Variants in HNRNPA3 observed in about 807,000 individuals in gnomAD.
HNRNPA3 encodes the protein heterogeneous nuclear ribonucleoprotein A3, also known as epididymis secretory sperm binding protein.
Under a neutral mutation model 45.8 loss-of-function variants are expected in HNRNPA3, and 3 were observed. That is an observed-to-expected ratio of 0.07 (90% CI 0.03 to 0.17). The LOEUF is 0.17. Among genes scored for constraint, HNRNPA3 ranks in the 10% least tolerant of loss-of-function variants. HNRNPA3 has a pLI of 1.00. For synonymous variants in HNRNPA3, 170 were observed against 155.6 expected (o/e 1.09, Z -0.69); for missense variants, 183 against 480.3 (o/e 0.38, Z 5.79).
Position 177,219,178 on chromosome 2 carries a change from CAATT to C in HNRNPA3, c.1084+20_1084+23del, listed in dbSNP as rs773972535. 1 of 1,611,522 alleles carries C rather than the reference CAATT, an allele frequency of 6.2e-7. No individual in the cohort carries two copies. Among genetic ancestry groups the C allele is most frequent in the Admixed American group, 1.7e-5 (1 of 59,480 alleles). On this transcript the variant is annotated intron_variant, in intron 9 of 10. Coordinates refer to ENST00000392524, the Ensembl canonical transcript of HNRNPA3. ...TATGGTGGTAAGTACTTTCTTAAATCAATTCTTTAGAGCCTTTTTAATTTAAAAA... is the reference window on the plus strand; with the variant it reads ...TATGGTGGTAAGTACTTTCTTAAATCCTTTAGAGCCTTTTTAATTTAAAAA...
intron 1 of HNRNPA3, among the ~76,000 whole-genome samples, chr2:177,214,501 G>A (rs1688840939): frequency 6.6e-6 from 1 of 152,186 alleles, no homozygotes; most frequent in African/African-American, 2.4e-5. Flanking sequence ...ACAGTTTTGA[G>A]TTTAAATGTA....
chr2:177,219,180 A>T lies in HNRNPA3; in HGVS notation c.1084+21A>T, dbSNP rs137855785. On this transcript the variant is annotated intron_variant, in intron 9 of 10. Coordinates refer to ENST00000392524, the Ensembl canonical transcript of HNRNPA3. Reference sequence around the variant, plus strand: ...TGGTGGTAAGTACTTTCTTAAATCAATTCTTTAGAGCCTTTTTAATTTAAA... The same window carrying T: ...TGGTGGTAAGTACTTTCTTAAATCATTTCTTTAGAGCCTTTTTAATTTAAA... 8.1e-6 allele frequency: 13 copies of T among 1,611,746 alleles called. No individual in the cohort carries two copies. In the African/African-American group the frequency reaches 1.1e-4, roughly 13 times the overall value.
chr2:177,222,249 A>G (rs551137961), downstream of HNRNPA3: 2 of 152,532 alleles, frequency 1.3e-5, no homozygotes, highest in East Asian at 1.9e-4. Flanking sequence ...AAATTCTTCA[A>G]CTGAAAACTA....
At chr2:177,217,618 C>G in intron 7 of HNRNPA3, 87 bp from the exon 8 acceptor site, 1 of 1,526,002 alleles carries the variant, frequency 6.6e-7, no homozygotes, top group Non-Finnish European at 9.1e-7. Flanking sequence ...CAGAGCAAGA[C>G]CCAGTCTCTT....
intron 1 of HNRNPA3, among the ~76,000 whole-genome samples, 192 bp downstream of exon 1, chr2:177,213,063 G>C (rs1688750891): frequency 6.6e-6 from 1 of 152,196 alleles, no homozygotes; most frequent in African/African-American, 2.4e-5. Flanking sequence ...TTCACCTTCG[G>C]CTGCACAGGC....
chr2:177,216,386 CAG>C (rs1362177237), intron 4 of HNRNPA3, 115 bp from the exon 5 acceptor site: 2 of 769,892 alleles, frequency 2.6e-6, no homozygotes, highest in Non-Finnish European at 4.2e-6. Context: ...CCTTCATTAC[CAG>C]AGTCACTACC....
At chr2:177,215,343 C>T (rs754448467) in intron 1 of HNRNPA3, among the ~76,000 whole-genome samples, 196 bp from the exon 2 acceptor site, 1 of 152,160 alleles carries the variant, frequency 6.6e-6, no homozygotes, top group African/African-American at 2.4e-5. Flanking sequence ...AATCCATCTG[C>T]CTCGGCCTCC....
intron 1 of HNRNPA3, among the ~76,000 whole-genome samples, chr2:177,214,252 C>T (rs990239243): frequency 2.0e-5 from 3 of 152,218 alleles, no homozygotes; most frequent in Non-Finnish European, 2.9e-5. Flanking sequence ...ACATACCATT[C>T]CTAATGTAAG....
At chr2:177,213,466 G>T (rs1194818397) in intron 1 of HNRNPA3, among the ~76,000 whole-genome samples, 2 of 152,228 alleles carry the variant, frequency 1.3e-5, no homozygotes, top group East Asian at 3.8e-4. Flanking sequence ...GGCCTTTTAC[G>T]GGTCCTCTCC....
At chr2:177,222,225 T>C (rs1025530088), downstream of HNRNPA3, 2 of 152,506 alleles carry the variant, frequency 1.3e-5, no homozygotes, top group African/African-American at 4.8e-5. Context: ...CCCTCTCTAG[T>C]AGGCACATTG....
exon 11 of HNRNPA3, chr2:177,220,045 G>C (rs1411500834): frequency 6.6e-6 from 1 of 152,586 alleles, no homozygotes; most frequent in Non-Finnish European, 1.5e-5. Context: ...GTGTGTTTTA[G>C]ATAAATAGGA....
intron 4 of HNRNPA3, 24 bp from the exon 5 acceptor site, chr2:177,216,479 T>A (rs1558969501): frequency 1.9e-6 from 3 of 1,559,714 alleles, no homozygotes; most frequent in Non-Finnish European, 2.6e-6. Context: ...ACTTTTTGTT[T>A]TGTTTGATTG....
At position 177,218,618 on chromosome 2, in the gene HNRNPA3, T is replaced by C. The variant is rs374872420; in HGVS notation, c.962-419T>C. 3.9e-3 allele frequency among the ~76,000 whole-genome samples: 589 copies of C among 152,314 alleles called. 2 individuals carry two copies. Among genetic ancestry groups the C allele is most frequent in the South Asian group, 0.014 (67 of 4,826 alleles). On this transcript the variant is annotated intron_variant, in intron 8 of 10. Coordinates refer to ENST00000392524, the Ensembl canonical transcript of HNRNPA3. ...ATATGTCACAGGTAGTTGAAGCGTT[T>C]AAGCAAGCTAGTGTATGTAGGTCAT...
At chr2:177,217,041 TA>T in intron 7 of HNRNPA3, 101 bp downstream of exon 7, 1 of 1,237,750 alleles carries the variant, frequency 8.1e-7, no homozygotes, top group Non-Finnish European at 1.1e-6. Flanking sequence ...CTTCAGTGGC[TA>T]AATGGTTAAG....
chr2:177,220,557 T>C (rs1433475151), downstream of HNRNPA3: 2 of 152,778 alleles, frequency 1.3e-5, no homozygotes, highest in Admixed American at 6.5e-5. Context: ...CTTTCCTGTT[T>C]GTATTCTATA....
chr2:177,216,229 C>G (rs754405231), intron 4 of HNRNPA3, 41 bp downstream of exon 4: 1 of 1,337,698 alleles, frequency 7.5e-7, no homozygotes, highest in Non-Finnish European at 1.0e-6. Context: ...GAAAGTAGAA[C>G]TGGTTTTTCT....
intron 8 of HNRNPA3, among the ~76,000 whole-genome samples, chr2:177,218,672 T>C (rs1689064498): frequency 6.6e-6 from 1 of 152,198 alleles, no homozygotes; most frequent in Non-Finnish European, 1.5e-5. Context: ...AAAGCTTTCT[T>C]AGGAATGCAC....
At chr2:177,222,219 C>T (rs965279331), downstream of HNRNPA3, 2 of 152,530 alleles carry the variant, frequency 1.3e-5, no homozygotes, top group Non-Finnish European at 2.9e-5. Flanking sequence ...CTTTGTCCCT[C>T]TCTAGTAGGC....
At position 177,212,887 on chromosome 2, in the gene HNRNPA3, CGGGGGGTTGGTGGGGAATGGCCGGCGTT is replaced by C. The variant is rs1574234588; in HGVS notation, c.72+22_72+49del. Reference sequence around the variant, plus strand: ...GGGGGAGGAGGTATTAGGGGGAGAGCGGGGGGTTGGTGGGGAATGGCCGGCGTTGGGGGCCTGGTTCGGTGGGAGCGGG... The same window carrying C: ...GGGGGAGGAGGTATTAGGGGGAGAGCGGGGGCCTGGTTCGGTGGGAGCGGG... On this transcript the variant is annotated intron_variant, in intron 1 of 10. Coordinates refer to ENST00000392524, the Ensembl canonical transcript of HNRNPA3. 7.0e-7 allele frequency: 1 copy of C among 1,421,746 alleles called. No homozygotes were observed. Among genetic ancestry groups the C allele is most frequent in the Non-Finnish European group, 9.4e-7 (1 of 1,060,504 alleles). The allele number at this position is 1,421,746 out of a possible 1,614,324, so 88.1% of individuals were successfully genotyped here.
Sources: allele counts gnomAD v4.1 joint callset (sites outside exome capture counted in the v4.1 genomes callset), GRCh38; gene constraint gnomAD v4.1.1; transcripts MANE v1.5; gene names NCBI Gene and HGNC (gene_info 2026-07-23, HGNC 2026-07-21).